RAP1GAP2: variants seen among roughly 807,000 people sequenced by gnomAD.
RAP1GAP2 encodes the protein RAP1 GTPase activating protein 2.
RAP1GAP2 carries 27 observed loss-of-function variants against 95.0 expected under a neutral mutation model. The ratio of observed to expected loss-of-function variants is 0.28; its 90% confidence interval spans 0.21 to 0.39. The LOEUF (loss-of-function observed/expected upper bound fraction) is 0.39, where lower values mean the gene tolerates loss of function less well. Among genes scored for constraint, RAP1GAP2 ranks in the 10% least tolerant of loss-of-function variants. The pLI, the probability that RAP1GAP2 is intolerant of heterozygous loss-of-function variation, is 1.00. For synonymous variants in RAP1GAP2, 373 were observed against 380.9 expected, an observed-to-expected ratio of 0.98 and a Z score of 0.24; for missense variants, 771 against 970.0, an observed-to-expected ratio of 0.79 and a Z score of 2.72.
At position 2,998,305 on chromosome 17, in the gene RAP1GAP2, G is replaced by A; in HGVS notation, c.1129G>A (p.Ala377Thr). 2 of 1,614,032 alleles carry A rather than the reference G, an allele frequency of 1.2e-6. No homozygotes were observed. The highest frequency in any genetic ancestry group is 1.7e-6 in the Non-Finnish European group (2 of 1,179,880). ...CACGCCGTTTGTCCCAGACATGATA[G>A]CCTCCAATTTCTTACATGCCTACAT... ...ENTPFVPDMIASNFLHAYIVV... is the reference protein window; with the variant it reads ...ENTPFVPDMITSNFLHAYIVV... The change falls in exon 14 of 25, where the codon GCC becomes ACC. Residue 377 changes from alanine to threonine, a missense_variant. Coordinates refer to ENST00000254695, the MANE Select transcript of RAP1GAP2 (RefSeq NM_015085.5).
At chr17:2,799,092 C>G (rs2069178064) in intron 1 of RAP1GAP2, among the ~76,000 whole-genome samples, 1 of 152,228 alleles carries the variant, frequency 6.6e-6, no homozygotes, top group Non-Finnish European at 1.5e-5. Context: ...AAATGTAAAA[C>G]CTAAGCGCCT....
chr17:2,949,407 A>G (rs895870520), intron 3 of RAP1GAP2, among the ~76,000 whole-genome samples: 3 of 152,176 alleles, frequency 2.0e-5, no homozygotes, highest in Non-Finnish European at 4.4e-5. Flanking sequence ...GTGAGCATTA[A>G]CTGAGCACCT....
At chr17:2,975,575 T>C (rs1181170168) in intron 8 of RAP1GAP2, among the ~76,000 whole-genome samples, 1 of 152,252 alleles carries the variant, frequency 6.6e-6, no homozygotes, top group East Asian at 1.9e-4. Context: ...AGGGAATACT[T>C]TGGTGTAACA....
exon 1 of RAP1GAP2, chr17:2,777,132 T>A (rs1443585917): frequency 6.6e-6 from 1 of 152,422 alleles, no homozygotes; most frequent in Non-Finnish European, 1.5e-5. Context: ...TCACAGGCTG[T>A]GCTGGGGAGG....
intron 1 of RAP1GAP2, among the ~76,000 whole-genome samples, chr17:2,760,292 C>CAAAAAAA (rs374784170): frequency 5.1e-5 from 3 of 59,224 alleles, no homozygotes; most frequent in African/African-American, 1.2e-4. Flanking sequence ...GACTCTGTCT[C>CAAAAAAA]AAAAAAAAAA....
chr17:2,950,350 C>G (rs1180410805), intron 3 of RAP1GAP2, among the ~76,000 whole-genome samples: 2 of 152,114 alleles, frequency 1.3e-5, no homozygotes, highest in Non-Finnish European at 2.9e-5. Context: ...ATGCGCCCAG[C>G]CAGACTCATT....
In RAP1GAP2 at chr17:3,032,114, G is replaced by A. The variant is rs558144920; in HGVS notation, c.2185-297G>A. 2.4e-4 allele frequency among the ~76,000 whole-genome samples: 35 copies of A among 147,122 alleles called. No homozygotes were observed. In the South Asian group the frequency reaches 6.6e-3, roughly 28 times the overall value. On this transcript the variant is annotated intron_variant, in intron 23 of 24. Coordinates refer to ENST00000254695, the MANE Select transcript of RAP1GAP2 (RefSeq NM_015085.5). Reference sequence around the variant, plus strand: ...AGAGCTCCAGGTCCAGATGTGAGGTGGGAAGGGCTGGTTCCTGGGTCCCGA... The same window carrying A: ...AGAGCTCCAGGTCCAGATGTGAGGTAGGAAGGGCTGGTTCCTGGGTCCCGA...
intron 3 of RAP1GAP2, among the ~76,000 whole-genome samples, chr17:2,923,667 TG>T (rs1282658002): frequency 6.0e-5 from 9 of 150,072 alleles, no homozygotes; most frequent in African/African-American, 2.2e-4. Context: ...GTTTTTTTTT[TG>T]TGTGTGTGCA....
intron 3 of RAP1GAP2, among the ~76,000 whole-genome samples, chr17:2,953,079 T>A (rs1034561132): frequency 2.0e-5 from 3 of 152,180 alleles, no homozygotes; most frequent in African/African-American, 4.8e-5. Context: ...GTGCTGGGAT[T>A]ACAGGTGTGA....
intron 2 of RAP1GAP2, among the ~76,000 whole-genome samples, chr17:2,865,989 C>T (rs932588710): frequency 6.6e-6 from 1 of 152,222 alleles, no homozygotes. Context: ...CTCCAGCAGC[C>T]CATGCTCCTG....
At chr17:2,918,902 C>A (rs767027472) in intron 3 of RAP1GAP2, among the ~76,000 whole-genome samples, 2 of 152,120 alleles carry the variant, frequency 1.3e-5, no homozygotes, top group Non-Finnish European at 2.9e-5. Flanking sequence ...CAGAGGTATG[C>A]AGTAAGTGCT....
rs371912766 is a variant in RAP1GAP2, at chr17:2,864,738, G to A, written c.81-40546G>A. Among the ~76,000 whole-genome samples, 49 of 152,328 alleles carry A rather than the reference G, an allele frequency of 3.2e-4. 2 individuals carry two copies. The South Asian group carries it at 7.9e-3, about 24-fold the overall frequency. Reference sequence around the variant, plus strand: ...TTGCGATGAGAAAGGAGGGGTCCCGGCAGCCTAGCGGGGCGCCCTGTGGGA... The same window carrying A: ...TTGCGATGAGAAAGGAGGGGTCCCGACAGCCTAGCGGGGCGCCCTGTGGGA... On this transcript the variant is annotated intron_variant, in intron 2 of 24. Coordinates refer to ENST00000254695, the MANE Select transcript of RAP1GAP2 (RefSeq NM_015085.5).
intron 2 of RAP1GAP2, among the ~76,000 whole-genome samples, chr17:2,854,502 T>G (rs2072043703): frequency 6.6e-6 from 1 of 152,230 alleles, no homozygotes. Flanking sequence ...TCGAGGTGCC[T>G]GCCTGGCCGA....
At position 2,892,836 on chromosome 17, in the gene RAP1GAP2, G is replaced by A. The variant is rs142303253; in HGVS notation, c.81-12448G>A. 6.7e-3 allele frequency among the ~76,000 whole-genome samples: 1,017 copies of A among 152,262 alleles called. 8 individuals carry two copies. The highest frequency in any genetic ancestry group is 9.8e-3 in the Non-Finnish European group (665 of 68,024). On this transcript the variant is annotated intron_variant, in intron 2 of 24. Coordinates refer to ENST00000254695, the MANE Select transcript of RAP1GAP2 (RefSeq NM_015085.5). The stretch of plus-strand genomic sequence containing the variant: ...AAGAGGGGAGCACACAAAGCCATCA[G>A]CACCAAGAGATGCCAGCTTTGGATA...
At chr17:2,771,358 T>C (rs1026779030) in intron 2 of RAP1GAP2, among the ~76,000 whole-genome samples, 2 of 152,146 alleles carry the variant, frequency 1.3e-5, no homozygotes, top group African/African-American at 4.8e-5. Flanking sequence ...TGGACACGTA[T>C]GGCCAGCATC....
intron 1 of RAP1GAP2, among the ~76,000 whole-genome samples, chr17:2,780,454 G>A (rs1459826863): frequency 6.6e-6 from 1 of 152,238 alleles, no homozygotes; most frequent in Non-Finnish European, 1.5e-5. Flanking sequence ...TGTTATGAGC[G>A]GCGATTGGAG....
At chr17:2,783,623 T>A (rs1052279469) in intron 1 of RAP1GAP2, among the ~76,000 whole-genome samples, 3 of 152,240 alleles carry the variant, frequency 2.0e-5, no homozygotes, top group Non-Finnish European at 4.4e-5. Context: ...GTGTTCTGGT[T>A]ATCTAATGCT....
intron 4 of RAP1GAP2, among the ~76,000 whole-genome samples, chr17:2,961,416 G>A (rs898636813): frequency 1.3e-5 from 2 of 152,034 alleles, no homozygotes; most frequent in Non-Finnish European, 2.9e-5. Flanking sequence ...TCGGGAGGCC[G>A]AGGCAGGAGA....
At chr17:2,901,774 C>G (rs1414997097) in intron 2 of RAP1GAP2, among the ~76,000 whole-genome samples, 1 of 152,020 alleles carries the variant, frequency 6.6e-6, no homozygotes, top group Non-Finnish European at 1.5e-5. Context: ...CTGGGCTGTG[C>G]CTGGCTGTCC....
Sources: gnomAD v4.1 joint callset for allele counts (sites outside exome capture counted in the v4.1 genomes callset) on GRCh38, gnomAD v4.1.1 for gene constraint, MANE v1.5 for transcripts, NCBI Gene and HGNC (gene_info 2026-07-23, HGNC 2026-07-21) for gene names.